PDLIM5: variants seen among roughly 807,000 people sequenced by gnomAD.
The protein encoded by PDLIM5 is PDZ and LIM domain 5.
PDLIM5 carries 34 observed loss-of-function variants against 64.2 expected under a neutral mutation model. That is an observed-to-expected ratio of 0.53 (90% CI 0.40 to 0.71). The LOEUF is 0.71. Among genes scored for constraint, PDLIM5 ranks in the 30% least tolerant of loss-of-function variants. PDLIM5 has a pLI of 0.00. For missense variants in PDLIM5, 683 were observed against 733.6 expected, an observed-to-expected ratio of 0.93 and a Z score of 0.80; for synonymous variants, 253 against 269.1, an observed-to-expected ratio of 0.94 and a Z score of 0.59.
At chr4:94,477,144 G>A (rs1712502141) in intron 2 of PDLIM5, among the ~76,000 whole-genome samples, 1 of 152,136 alleles carries the variant, frequency 6.6e-6, no homozygotes, top group Non-Finnish European at 1.5e-5. Flanking sequence ...GGGAAGAGTG[G>A]TAGAAAGGAA....
intron 10 of PDLIM5, among the ~76,000 whole-genome samples, 169 bp downstream of exon 10, chr4:94,654,809 T>C (rs1742088254): frequency 2.0e-5 from 3 of 152,206 alleles, no homozygotes; most frequent in Non-Finnish European, 4.4e-5. Context: ...TCTGTGGAAA[T>C]ATATCGGACT....
chr4:94,603,695 G>A (rs1385389910), intron 7 of PDLIM5, among the ~76,000 whole-genome samples: 9 of 152,178 alleles, frequency 5.9e-5, no homozygotes, highest in Non-Finnish European at 8.8e-5. Context: ...GCGCACGCGC[G>A]CGTGTGTGAG....
At chr4:94,501,434 A>G (rs1727911148) in intron 2 of PDLIM5, among the ~76,000 whole-genome samples, 1 of 152,156 alleles carries the variant, frequency 6.6e-6, no homozygotes, top group Non-Finnish European at 1.5e-5. Context: ...GTTCCAGTGT[A>G]GTGCTAATCA....
At chr4:94,560,648 T>A (rs1242859883) in intron 3 of PDLIM5, among the ~76,000 whole-genome samples, 1 of 152,216 alleles carries the variant, frequency 6.6e-6, no homozygotes, top group Admixed American at 6.5e-5. Flanking sequence ...CTGGGCAGTC[T>A]GCTTTTAGCT....
At chr4:94,460,143 G>A (rs1175061826) in intron 2 of PDLIM5, among the ~76,000 whole-genome samples, 2 of 152,138 alleles carry the variant, frequency 1.3e-5, no homozygotes, top group African/African-American at 4.8e-5. Context: ...TCACATGTGT[G>A]TTCACTCTGC....
At chr4:94,554,824 G>A (rs577978444) in intron 3 of PDLIM5, among the ~76,000 whole-genome samples, 9 of 152,186 alleles carry the variant, frequency 5.9e-5, no homozygotes, top group South Asian at 4.2e-4. Flanking sequence ...TGTGTATACC[G>A]AATGGTCCTC....
intron 2 of PDLIM5, among the ~76,000 whole-genome samples, chr4:94,463,122 A>G (rs17021596): frequency 0.023 from 3,541 of 152,282 alleles, 143 homozygotes; most frequent in African/African-American, 0.081. Flanking sequence ...ATGGCAAAAG[A>G]TTTTGTGTTT....
intron 2 of PDLIM5, among the ~76,000 whole-genome samples, chr4:94,514,133 C>CTTTTTT (rs34757067): frequency 3.5e-5 from 4 of 115,140 alleles, no homozygotes; most frequent in African/African-American, 3.8e-5. Flanking sequence ...CTAGTATTTT[C>CTTTTTT]TTTTTTTTTT....
chr4:94,610,841 A>C (rs1244905270), intron 7 of PDLIM5, among the ~76,000 whole-genome samples: 1 of 152,188 alleles, frequency 6.6e-6, no homozygotes, highest in East Asian at 1.9e-4. Context: ...ATTTTGGTGA[A>C]AATCTAATCA....
chr4:94,492,837 T>TTC (rs1726994571), intron 2 of PDLIM5, among the ~76,000 whole-genome samples: 1 of 152,202 alleles, frequency 6.6e-6, no homozygotes, highest in Non-Finnish European at 1.5e-5. Flanking sequence ...TGAACATTTG[T>TTC]GCACAAATTT....
chr4:94,456,570 G>T (rs747151356), intron 2 of PDLIM5: 8 of 706,998 alleles, frequency 1.1e-5, no homozygotes, highest in South Asian at 9.3e-5. Flanking sequence ...ATATAAGGAG[G>T]TATGTGTGTT....
chr4:94,591,394 C>T (rs1009990114), intron 7 of PDLIM5, among the ~76,000 whole-genome samples: 25 of 152,296 alleles, frequency 1.6e-4, no homozygotes, highest in Admixed American at 6.5e-4. Context: ...GTTTCCACTT[C>T]TTTAAAATAT....
In PDLIM5 at chr4:94,667,068, C is replaced by T. The variant is rs1318092356; in HGVS notation, c.*3001C>T. 6.6e-6 allele frequency: 1 copy of T among 152,126 alleles called. No individual in the cohort carries two copies. Among genetic ancestry groups the T allele is most frequent in the Non-Finnish European group, 1.5e-5 (1 of 68,026 alleles). The allele number at this position is 152,126 out of a possible 1,614,324, so 9.4% of individuals were successfully genotyped here. On this transcript the variant is annotated 3_prime_UTR_variant, in exon 13 of 13. Coordinates refer to ENST00000317968, the MANE Select transcript of PDLIM5 (RefSeq NM_006457.5). ...TATTAGTAGCATTTTTTAATTATTA[C>T]TTCTTCACTATAGAGCATTTACTTT...
At chr4:94,453,255 A>G (rs1057440903) in intron 1 of PDLIM5, among the ~76,000 whole-genome samples, 6 of 152,174 alleles carry the variant, frequency 3.9e-5, no homozygotes, top group African/African-American at 1.4e-4. Context: ...TAATAACCAG[A>G]TGGAGGAGTC....
At chr4:94,502,033 G>A (rs144321151) in intron 2 of PDLIM5, among the ~76,000 whole-genome samples, 16 of 152,048 alleles carry the variant, frequency 1.1e-4, no homozygotes, top group African/African-American at 2.4e-4. Flanking sequence ...TTCTCTCTTC[G>A]TTTCCTTCTT....
chr4:94,496,909 A>G (rs932313084), intron 2 of PDLIM5, among the ~76,000 whole-genome samples: 1 of 152,234 alleles, frequency 6.6e-6, no homozygotes, highest in East Asian at 1.9e-4. Flanking sequence ...AAGTAGTTCC[A>G]GAAATATTGG....
At chr4:94,609,307 T>C (rs1462309034) in intron 7 of PDLIM5, among the ~76,000 whole-genome samples, 1 of 152,216 alleles carries the variant, frequency 6.6e-6, no homozygotes, top group Non-Finnish European at 1.5e-5. Flanking sequence ...TATACGTTTA[T>C]ACACTCTTTT....
chr4:94,633,680 G>A (rs1000052795), intron 8 of PDLIM5, among the ~76,000 whole-genome samples: 3 of 152,158 alleles, frequency 2.0e-5, no homozygotes, highest in Admixed American at 1.3e-4. Context: ...GGGTGCTAGG[G>A]ATAGAGCAAT....
chr4:94,466,900 G>A (rs1267172499), intron 2 of PDLIM5, among the ~76,000 whole-genome samples: 7 of 152,128 alleles, frequency 4.6e-5, no homozygotes, highest in Non-Finnish European at 1.0e-4. Flanking sequence ...CAGTTAATAC[G>A]GAATGTTAGA....
Sources: allele counts gnomAD v4.1 joint callset (sites outside exome capture counted in the v4.1 genomes callset), GRCh38; gene constraint gnomAD v4.1.1; transcripts MANE v1.5; gene names NCBI Gene and HGNC (gene_info 2026-07-23, HGNC 2026-07-21).